The following FGF14 variants were observed in gnomAD, a reference collection of about 807,000 sequenced individuals.
FGF14 encodes fibroblast growth factor homologous factor 4.
Under a neutral mutation model 25.5 loss-of-function variants are expected in FGF14, and 5 were observed. The observed-to-expected ratio is 0.20, with a 90% CI of 0.10 to 0.41. The LOEUF is 0.41. Among genes scored for constraint, FGF14 ranks in the 10% least tolerant of loss-of-function variants. The pLI, the probability that FGF14 is intolerant of heterozygous loss-of-function variation, is 1.00. For synonymous variants in FGF14, 138 were observed against 118.3 expected (o/e 1.17, Z -1.08); for missense variants, 222 against 320.1 (o/e 0.69, Z 2.34).
chr13:102,169,897 G>A (rs1037075019), intron 1 of FGF14, among the ~76,000 whole-genome samples: 32 of 152,160 alleles, frequency 2.1e-4, no homozygotes, highest in African/African-American at 5.3e-4. Context: ...TACTGAGACT[G>A]AAGGGCTGAA....
At chr13:102,137,662 CT>C (rs1476023634) in intron 1 of FGF14, among the ~76,000 whole-genome samples, 3 of 152,120 alleles carry the variant, frequency 2.0e-5, no homozygotes, top group African/African-American at 7.2e-5. Flanking sequence ...TCATTTTACT[CT>C]CAAAATGTCT....
chr13:102,322,005 G>A (rs879875213), intron 1 of FGF14, among the ~76,000 whole-genome samples: 30 of 152,196 alleles, frequency 2.0e-4, no homozygotes, highest in Non-Finnish European at 2.6e-4. Flanking sequence ...ATTGAGCCTA[G>A]GAAGGGTGAG....
intron 1 of FGF14, among the ~76,000 whole-genome samples, chr13:102,022,667 T>G (rs141427340): frequency 6.6e-6 from 1 of 152,088 alleles, no homozygotes; most frequent in African/African-American, 2.4e-5. Context: ...GCCACTCATT[T>G]AAGATGTTTA....
intron 1 of FGF14, among the ~76,000 whole-genome samples, chr13:102,214,247 C>T (rs2050275578): frequency 6.6e-6 from 1 of 152,228 alleles, no homozygotes; most frequent in Non-Finnish European, 1.5e-5. Flanking sequence ...AATTCCCTTC[C>T]TTTGCCATTA....
intron 1 of FGF14, among the ~76,000 whole-genome samples, chr13:102,282,588 A>G (rs1468243213): frequency 6.6e-6 from 1 of 152,198 alleles, no homozygotes; most frequent in Non-Finnish European, 1.5e-5. Context: ...TTCAACATTT[A>G]TCTTAAGCTA....
intron 3 of FGF14, among the ~76,000 whole-genome samples, chr13:101,785,509 C>A (rs950424844): frequency 1.3e-5 from 2 of 151,980 alleles, no homozygotes; most frequent in Admixed American, 1.3e-4. Context: ...GTAGGGTTTG[C>A]AGCTGTGTCA....
intron 1 of FGF14, among the ~76,000 whole-genome samples, chr13:102,139,152 G>A (rs781624531): frequency 1.8e-4 from 28 of 152,156 alleles, no homozygotes; most frequent in Non-Finnish European, 3.4e-4. Context: ...ACAGATCTGA[G>A]TGTGAATCTT....
intron 1 of FGF14, among the ~76,000 whole-genome samples, chr13:102,055,458 T>C (rs1244820804): frequency 6.6e-6 from 1 of 152,236 alleles, no homozygotes; most frequent in East Asian, 1.9e-4. Context: ...AAAACATAAC[T>C]AAGATTATAT....
At chr13:101,816,294 A>C in intron 3 of FGF14, among the ~76,000 whole-genome samples, 1 of 149,014 alleles carries the variant, frequency 6.7e-6, no homozygotes, top group Non-Finnish European at 1.5e-5. Flanking sequence ...AATTTGGCTT[A>C]CCCGAAATCT....
chr13:101,832,296 A>G (rs1325303664), intron 3 of FGF14, among the ~76,000 whole-genome samples: 1 of 152,042 alleles, frequency 6.6e-6, no homozygotes, highest in Non-Finnish European at 1.5e-5. Flanking sequence ...CTTGATTTGA[A>G]CAGACTGAAA....
chr13:101,905,313 C>T (rs970800831), intron 1 of FGF14, among the ~76,000 whole-genome samples: 3 of 152,132 alleles, frequency 2.0e-5, no homozygotes, highest in African/African-American at 7.2e-5. Flanking sequence ...AAATGTCCAT[C>T]AATGATAGAT....
intron 1 of FGF14, among the ~76,000 whole-genome samples, chr13:102,032,370 A>C (rs1312364298): frequency 6.6e-6 from 1 of 152,152 alleles, no homozygotes; most frequent in Admixed American, 6.6e-5. Flanking sequence ...AGTGGGCAAC[A>C]AGAGAGGCAA....
At chr13:102,248,919 G>T (rs1278870851) in intron 1 of FGF14, among the ~76,000 whole-genome samples, 1 of 152,076 alleles carries the variant, frequency 6.6e-6, no homozygotes, top group Non-Finnish European at 1.5e-5. Context: ...AGCAGGAGGA[G>T]TCCAAACCCC....
chr13:101,968,819 T>C lies in FGF14; in HGVS notation c.209-93523A>G, dbSNP rs1310287495. 2.0e-5 allele frequency among the ~76,000 whole-genome samples: 3 copies of C among 151,668 alleles called. No homozygotes were observed. In the East Asian group the frequency reaches 5.8e-4, roughly 29 times the overall value. On this transcript the variant is annotated intron_variant, in intron 1 of 4. Transcript: ENST00000376131. ...CCCCACAACTCTTTTAACTCACTTT[T>C]CATTTGTTCTGTAATCATGCATTCC...
intron 1 of FGF14, among the ~76,000 whole-genome samples, chr13:102,170,735 C>T (rs1029099759): frequency 1.3e-5 from 2 of 152,196 alleles, no homozygotes; most frequent in Non-Finnish European, 2.9e-5. Context: ...GCACTATATT[C>T]TTCCAAACCA....
chr13:102,322,772 C>G (rs920346781), intron 1 of FGF14, among the ~76,000 whole-genome samples: 4 of 152,034 alleles, frequency 2.6e-5, no homozygotes, highest in African/African-American at 9.7e-5. Flanking sequence ...ATTCCTAAAA[C>G]ATGCATTATA....
In FGF14 at chr13:102,343,987, G is replaced by A. The variant is rs143261345; in HGVS notation, c.208+57484C>T. Among the ~76,000 whole-genome samples the A allele has an allele frequency of 2.9e-3, 438 of 152,256 alleles. 1 individual carries two copies. In the Middle Eastern group the frequency reaches 0.031, roughly 11 times the overall value. Reference sequence around the variant, plus strand: ...TCGTACTCTGTCACAGAAAGAATATGGAGTGCTTTTAAAGCTGCTTATGTA... The same window carrying A: ...TCGTACTCTGTCACAGAAAGAATATAGAGTGCTTTTAAAGCTGCTTATGTA... On this transcript the variant is annotated intron_variant, in intron 1 of 4. Transcript: ENST00000376131.
intron 1 of FGF14, among the ~76,000 whole-genome samples, chr13:101,876,819 C>A (rs2045422401): frequency 6.6e-6 from 1 of 152,090 alleles, no homozygotes; most frequent in African/African-American, 2.4e-5. Context: ...ACTATTGTGC[C>A]TAAGTCTGCC....
At chr13:102,080,132 T>C (rs897692139) in intron 1 of FGF14, among the ~76,000 whole-genome samples, 5 of 152,120 alleles carry the variant, frequency 3.3e-5, no homozygotes, top group African/African-American at 1.2e-4. Context: ...AGAGGCCTGA[T>C]ACCATTTGAC....
Sources: allele counts gnomAD v4.1 joint callset (sites outside exome capture counted in the v4.1 genomes callset), GRCh38; gene constraint gnomAD v4.1.1; transcripts MANE v1.5; gene names NCBI Gene and HGNC (gene_info 2026-07-23, HGNC 2026-07-21).